CNTN5: variants seen among roughly 807,000 people sequenced by gnomAD.
The protein encoded by CNTN5 is contactin-5.
In CNTN5, 77 loss-of-function variants were observed where a neutral mutation model predicts 129.1. The observed-to-expected ratio is 0.60, with a 90% confidence interval of 0.50 to 0.72. The LOEUF (loss-of-function observed/expected upper bound fraction) is 0.72. Ranked by LOEUF, CNTN5 falls within the 30% of genes least tolerant of loss-of-function variation. CNTN5 has a pLI of 0.00. For synonymous variants in CNTN5, 509 were observed against 465.6 expected (o/e 1.09, Z -1.20); for missense variants, 1,478 against 1,328.8 (o/e 1.11, Z -1.75).
chr11:99,780,424 C>T (rs906800590), intron 3 of CNTN5, among the ~76,000 whole-genome samples: 2 of 151,894 alleles, frequency 1.3e-5, no homozygotes, highest in African/African-American at 4.8e-5. Flanking sequence ...AAAGAAAAGA[C>T]ATTATAACGA....
chr11:99,083,325 A>G (rs1865883137), intron 1 of CNTN5, among the ~76,000 whole-genome samples: 1 of 152,130 alleles, frequency 6.6e-6, no homozygotes, highest in Non-Finnish European at 1.5e-5. Flanking sequence ...AAGCTCCAAA[A>G]CAACTGTAGT....
intron 6 of CNTN5, among the ~76,000 whole-genome samples, chr11:99,862,536 A>G (rs766785372): frequency 6.6e-6 from 1 of 152,156 alleles, no homozygotes; most frequent in Non-Finnish European, 1.5e-5. Flanking sequence ...ACAGCCATGT[A>G]TGCTGTACTA....
At chr11:99,340,905 A>T (rs368665930) in intron 2 of CNTN5, among the ~76,000 whole-genome samples, 44 of 152,292 alleles carry the variant, frequency 2.9e-4, no homozygotes, top group African/African-American at 1.1e-3. Context: ...CAGGCTGCTA[A>T]CTGTCAATAT....
intron 2 of CNTN5, among the ~76,000 whole-genome samples, chr11:99,406,057 A>G (rs558236985): frequency 1.3e-5 from 2 of 151,556 alleles, no homozygotes; most frequent in South Asian, 2.1e-4. Context: ...CTAGTCCTTT[A>G]TTTAGTTCAC....
intron 13 of CNTN5, among the ~76,000 whole-genome samples, chr11:100,109,700 A>C (rs1565249241): frequency 6.6e-6 from 1 of 152,226 alleles, no homozygotes; most frequent in Non-Finnish European, 1.5e-5. Context: ...AGGGCACAAA[A>C]GTATTATGCA....
At chr11:99,334,760 TATC>T (rs1378859884) in intron 2 of CNTN5, among the ~76,000 whole-genome samples, 2 of 152,126 alleles carry the variant, frequency 1.3e-5, no homozygotes, top group Non-Finnish European at 2.9e-5. Context: ...TATTAATAAT[TATC>T]ATTTCATGTA....
intron 2 of CNTN5, among the ~76,000 whole-genome samples, chr11:99,366,808 A>C (rs1470472030): frequency 1.3e-5 from 2 of 152,146 alleles, no homozygotes; most frequent in Admixed American, 1.3e-4. Flanking sequence ...CCAGAGGAGT[A>C]ATTTTCTCTG....
At chr11:100,276,137 G>T (rs961853660) in intron 18 of CNTN5, among the ~76,000 whole-genome samples, 1 of 152,120 alleles carries the variant, frequency 6.6e-6, no homozygotes. Context: ...AAATTCCAAA[G>T]CAGTGCAGTG....
In CNTN5 at chr11:99,443,428, G is replaced by T. The variant is rs183452448; in HGVS notation, c.-70-112717G>T. 2.6e-5 allele frequency among the ~76,000 whole-genome samples: 4 copies of T among 152,172 alleles called. No homozygotes were observed. The East Asian group carries it at 7.7e-4, about 29-fold the overall frequency. ...AAATATTGATTTTTCAGAAATAGTGGGTAGCCTGTGTACATTTTCATGGTG... is the reference window on the plus strand; with the variant it reads ...AAATATTGATTTTTCAGAAATAGTGTGTAGCCTGTGTACATTTTCATGGTG... On this transcript the variant is annotated intron_variant, in intron 2 of 24. Coordinates refer to ENST00000524871, the MANE Select transcript of CNTN5 (RefSeq NM_014361.4).
chr11:100,313,228 A>G (rs1350612000), intron 21 of CNTN5, among the ~76,000 whole-genome samples: 1 of 151,874 alleles, frequency 6.6e-6, no homozygotes, highest in Non-Finnish European at 1.5e-5. Context: ...TGAAAGGGAG[A>G]GGAAAGAAAG....
At chr11:100,073,626 T>A (rs980816284) in intron 12 of CNTN5, among the ~76,000 whole-genome samples, 1 of 151,898 alleles carries the variant, frequency 6.6e-6, no homozygotes, top group Non-Finnish European at 1.5e-5. Flanking sequence ...CAAGTAAAAT[T>A]GCTAATTGAA....
chr11:100,179,164 C>A lies in CNTN5; in HGVS notation c.1581-11962C>A, dbSNP rs186206791. Reference sequence around the variant, plus strand: ...TTGTGCTCTTAAATACTAGATCATTCATTGTATCTAATTATATTTTTGTAC... The same window carrying A: ...TTGTGCTCTTAAATACTAGATCATTAATTGTATCTAATTATATTTTTGTAC... On this transcript the variant is annotated intron_variant, in intron 13 of 24. Coordinates refer to ENST00000524871, the MANE Select transcript of CNTN5 (RefSeq NM_014361.4). 3.2e-4 allele frequency among the ~76,000 whole-genome samples: 49 copies of A among 152,214 alleles called. No homozygotes were observed. The East Asian group carries it at 3.3e-3, about 10-fold the overall frequency.
intron 1 of CNTN5, among the ~76,000 whole-genome samples, chr11:99,113,206 A>T (rs1468128740): frequency 6.6e-6 from 1 of 152,074 alleles, no homozygotes; most frequent in East Asian, 1.9e-4. Flanking sequence ...CATACTGGTG[A>T]TCTGTTACAT....
intron 3 of CNTN5, among the ~76,000 whole-genome samples, chr11:99,594,466 A>T (rs535658315): frequency 6.6e-6 from 1 of 152,286 alleles, no homozygotes; most frequent in African/African-American, 2.4e-5. Flanking sequence ...CTCAATTCAT[A>T]GCATGCAGTT....
At chr11:99,894,745 GTGCTAGCTA>G (rs1949160210) in intron 6 of CNTN5, among the ~76,000 whole-genome samples, 1 of 152,072 alleles carries the variant, frequency 6.6e-6, no homozygotes, top group African/African-American at 2.4e-5. Context: ...AGAAAAACAA[GTGCTAGCTA>G]TGATAATTTT....
chr11:100,077,730 C>G (rs770022984), intron 13 of CNTN5, among the ~76,000 whole-genome samples: 1 of 151,974 alleles, frequency 6.6e-6, no homozygotes, highest in Non-Finnish European at 1.5e-5. Flanking sequence ...ATAGTCCCAG[C>G]TACTCAAGAG....
intron 1 of CNTN5, among the ~76,000 whole-genome samples, chr11:99,248,283 T>C (rs1489649143): frequency 6.6e-6 from 1 of 152,196 alleles, no homozygotes; most frequent in Non-Finnish European, 1.5e-5. Flanking sequence ...TCTGTTCATA[T>C]CCTTTGCCCA....
In CNTN5 at chr11:99,488,770, C is replaced by T. The variant is rs144157194; in HGVS notation, c.-70-67375C>T. Among the ~76,000 whole-genome samples, 8 of 152,274 alleles carry T rather than the reference C, an allele frequency of 5.3e-5. No individual in the cohort carries two copies. In the East Asian group the frequency reaches 1.5e-3, roughly 29 times the overall value. ...TTTACCAAAACTCCACACATTCTAA[C>T]TTTGCCACATGCTGGGTCAGGATAG... On this transcript the variant is annotated intron_variant, in intron 2 of 24. Coordinates refer to ENST00000524871, the MANE Select transcript of CNTN5 (RefSeq NM_014361.4).
In CNTN5 at chr11:100,246,104, C is replaced by T. The variant is rs564105336; in HGVS notation, c.2006-9656C>T. Among the ~76,000 whole-genome samples, 6 of 152,040 alleles carry T rather than the reference C, an allele frequency of 3.9e-5. No homozygotes were observed. The East Asian group carries it at 1.2e-3, about 29-fold the overall frequency. On this transcript the variant is annotated intron_variant, in intron 16 of 24. Transcript: ENST00000524871. ...TATTTTGCTAAAATCAAATGTGATA[C>T]ATGCGTTCTTGTTTTCATTGATTTA...
Sources: gnomAD v4.1 joint callset for allele counts (sites outside exome capture counted in the v4.1 genomes callset) on GRCh38, gnomAD v4.1.1 for gene constraint, MANE v1.5 for transcripts, NCBI Gene and HGNC (gene_info 2026-07-23, HGNC 2026-07-21) for gene names.